THSD7A: variants seen among roughly 807,000 people sequenced by gnomAD.
THSD7A encodes thrombospondin type-1 domain-containing protein 7A.
A neutral mutation model predicts 231.3 loss-of-function variants in THSD7A; 96 were observed. The observed-to-expected ratio is 0.41, with a 90% confidence interval of 0.35 to 0.49. THSD7A has a LOEUF of 0.49. Ranked by LOEUF, THSD7A falls within the 20% of genes least tolerant of loss-of-function variation. The pLI, the probability that THSD7A is intolerant of heterozygous loss-of-function variation, is 0.05. For synonymous variants in THSD7A, 940 were observed against 743.3 expected (o/e 1.26, Z -4.30); for missense variants, 2,290 against 2,070.2 (o/e 1.11, Z -2.06).
intron 1 of THSD7A, among the ~76,000 whole-genome samples, chr7:11,676,977 AG>A (rs1303482536): frequency 2.6e-5 from 4 of 152,182 alleles, no homozygotes; most frequent in Admixed American, 2.6e-4. Flanking sequence ...AGATTCACCA[AG>A]GTTGAAATGA....
At chr7:11,663,484 T>C (rs1783009726) in intron 1 of THSD7A, among the ~76,000 whole-genome samples, 2 of 151,524 alleles carry the variant, frequency 1.3e-5, no homozygotes, top group Non-Finnish European at 3.0e-5. Flanking sequence ...ATCATGATAA[T>C]TTAACTTCAA....
At chr7:11,714,658 T>G (rs532789003) in intron 1 of THSD7A, among the ~76,000 whole-genome samples, 3 of 151,450 alleles carry the variant, frequency 2.0e-5, no homozygotes, top group African/African-American at 7.2e-5. Context: ...AATTAAAAAG[T>G]ACCCTAAGAA....
chr7:11,372,982 A>G lies in THSD7A; in HGVS notation c.*2812T>C, dbSNP rs1028290988. On this transcript the variant is annotated 3_prime_UTR_variant, in exon 28 of 28. Transcript: ENST00000423059. ...AGGTTATCCAGTATTTATTTATCCT[A>G]ACAAACAGTGACCTTCCAATATGTT... The G allele has an allele frequency of 1.3e-5, 2 of 151,776 alleles. No individual in the cohort carries two copies. The highest frequency in any genetic ancestry group is 4.8e-5 in the African/African-American group (2 of 41,334). 9.4% of individuals were successfully genotyped at this position (151,776 alleles called of 1,614,324 possible). A position where few individuals can be genotyped will look rare whatever the true frequency, so the allele number is the denominator to read the frequency against.
At chr7:11,777,544 T>G (rs1019045262) in intron 1 of THSD7A, among the ~76,000 whole-genome samples, 1 of 152,138 alleles carries the variant, frequency 6.6e-6, no homozygotes, top group African/African-American at 2.4e-5. Context: ...TCTACCCATG[T>G]GGACATATCA....
chr7:11,475,818 T>C (rs1420918623), intron 7 of THSD7A, among the ~76,000 whole-genome samples: 1 of 150,960 alleles, frequency 6.6e-6, no homozygotes, highest in African/African-American at 2.4e-5. Context: ...AAAAATGACA[T>C]AATTTATTTC....
At chr7:11,424,487 T>C (rs1268694671) in intron 16 of THSD7A, among the ~76,000 whole-genome samples, 2 of 152,204 alleles carry the variant, frequency 1.3e-5, no homozygotes, top group Non-Finnish European at 2.9e-5. Flanking sequence ...TTTGAAGTGA[T>C]GCTTCCTAAA....
intron 23 of THSD7A, among the ~76,000 whole-genome samples, chr7:11,394,817 A>C (rs967586792): frequency 6.6e-6 from 1 of 152,126 alleles, no homozygotes; most frequent in Admixed American, 6.5e-5. Context: ...TACTCATTTC[A>C]TTCATCGGTC....
chr7:11,489,571 G>A (rs1185031573), intron 6 of THSD7A, among the ~76,000 whole-genome samples: 1 of 151,974 alleles, frequency 6.6e-6, no homozygotes, highest in Non-Finnish European at 1.5e-5. Context: ...CTGTAGGAGG[G>A]CAGGTACCTA....
chr7:11,538,442 T>C (rs182005818), intron 6 of THSD7A, among the ~76,000 whole-genome samples: 7 of 152,318 alleles, frequency 4.6e-5, no homozygotes, highest in African/African-American at 9.6e-5. Context: ...TCCGGTCCAA[T>C]AGCCTGGTTT....
chr7:11,815,864 C>T (rs1382389822), intron 1 of THSD7A, among the ~76,000 whole-genome samples: 1 of 152,110 alleles, frequency 6.6e-6, no homozygotes, highest in Non-Finnish European at 1.5e-5. Flanking sequence ...CATACCCACC[C>T]TTCTTCCCAC....
rs141250202 is a variant in THSD7A at position 11,433,461 on chromosome 7, A to G, written c.3065-4336T>C. Among the ~76,000 whole-genome samples, 376 of 152,182 alleles carry G rather than the reference A, an allele frequency of 2.5e-3. 1 individual carries two copies. Among genetic ancestry groups the G allele is most frequent in the African/African-American group, 8.8e-3 (366 of 41,552 alleles). ...CTAAAGTCATTTCCAAATCAATGGC[A>G]TTATGACCAAATCATTTAATAATAT... On this transcript the variant is annotated intron_variant, in intron 13 of 27. Coordinates refer to ENST00000423059, the MANE Select transcript of THSD7A (RefSeq NM_015204.3).
chr7:11,715,189 A>C (rs1235599848), intron 1 of THSD7A, among the ~76,000 whole-genome samples: 1 of 151,476 alleles, frequency 6.6e-6, no homozygotes, highest in Non-Finnish European at 1.5e-5. Flanking sequence ...CCATGTAGAA[A>C]AATCATATTG....
chr7:11,527,680 G>A (rs1788535974), intron 6 of THSD7A, among the ~76,000 whole-genome samples: 1 of 152,156 alleles, frequency 6.6e-6, no homozygotes, highest in Non-Finnish European at 1.5e-5. Context: ...AAAGAAAAAT[G>A]TAGAATAAAT....
At chr7:11,648,863 A>G (rs1339757631) in intron 1 of THSD7A, among the ~76,000 whole-genome samples, 1 of 151,962 alleles carries the variant, frequency 6.6e-6, no homozygotes, top group Admixed American at 6.6e-5. Flanking sequence ...TCAGTGACTG[A>G]GCAGCTTGCT....
intron 4 of THSD7A, among the ~76,000 whole-genome samples, chr7:11,580,674 C>T (rs1435538221): frequency 1.3e-5 from 2 of 151,972 alleles, no homozygotes; most frequent in African/African-American, 4.8e-5. Flanking sequence ...TAGGTGGAAG[C>T]TAAATGATGA....
Position 11,382,528 on chromosome 7 carries a change from A to G in THSD7A, c.4500T>C (p.Asn1500=). ...TVWCQRSDGI[N]VTGGCLVMSQ... ...GAGAAACTGGAGGTTTACCTGTTAC[A>G]TTTATACCATCTGACCTTTGACACC... The change falls in exon 24 of 28, where the codon AAT becomes AAC. Residue 1500 remains asparagine (N), a synonymous_variant. Coordinates refer to ENST00000423059, the MANE Select transcript of THSD7A (RefSeq NM_015204.3). The G allele has an allele frequency of 1.9e-6, 3 of 1,612,032 alleles. No individual in the cohort carries two copies. The highest frequency in any genetic ancestry group is 2.5e-6 in the Non-Finnish European group (3 of 1,178,622).
intron 1 of THSD7A, among the ~76,000 whole-genome samples, chr7:11,774,178 A>T (rs1317704493): frequency 6.6e-6 from 1 of 152,218 alleles, no homozygotes; most frequent in Non-Finnish European, 1.5e-5. Flanking sequence ...AAATTCTAAC[A>T]TTTGTAACAA....
intron 2 of THSD7A, among the ~76,000 whole-genome samples, chr7:11,604,962 A>G (rs957780383): frequency 6.6e-6 from 1 of 152,144 alleles, no homozygotes; most frequent in Non-Finnish European, 1.5e-5. Flanking sequence ...ACTGGGACTC[A>G]TGTTACTGCT....
intron 1 of THSD7A, among the ~76,000 whole-genome samples, chr7:11,714,767 T>C (rs971681734): frequency 6.6e-6 from 1 of 151,332 alleles, no homozygotes; most frequent in Non-Finnish European, 1.5e-5. Flanking sequence ...ATACACAAAA[T>C]ACTCTTTCTC....
Sources: allele counts gnomAD v4.1 joint callset (sites outside exome capture counted in the v4.1 genomes callset), GRCh38; gene constraint gnomAD v4.1.1; transcripts MANE v1.5; gene names NCBI Gene and HGNC (gene_info 2026-07-23, HGNC 2026-07-21).